STARD13: variants seen among roughly 807,000 people sequenced by gnomAD.
STARD13 encodes StAR related lipid transfer domain containing 13.
Under a neutral mutation model 106.4 loss-of-function variants are expected in STARD13, and 62 were observed. That is an observed-to-expected ratio of 0.58 (90% CI 0.48 to 0.72). The LOEUF (loss-of-function observed/expected upper bound fraction) is 0.72. STARD13 is among the 30% of genes least tolerant of loss of function. The probability of loss-of-function intolerance (pLI) is 0.00; values close to 1 mark genes in which losing one functional copy is unlikely to be tolerated. For missense variants in STARD13, 1,387 were observed against 1,424.0 expected, an observed-to-expected ratio of 0.97 and a Z score of 0.42; for synonymous variants, 565 against 553.0, an observed-to-expected ratio of 1.02 and a Z score of -0.31.
chr13:33,476,851 G>A, the STARD13 span, among the ~76,000 whole-genome samples: 29 of 152,200 alleles, frequency 1.9e-4, no homozygotes, highest in African/African-American at 6.5e-4. Flanking sequence ...AAAAGACACT[G>A]ACTCCTGCTA....
chr13:33,210,298 C>T (rs910703111), intron 1 of STARD13, among the ~76,000 whole-genome samples: 1 of 152,172 alleles, frequency 6.6e-6, no homozygotes, highest in Non-Finnish European at 1.5e-5. Context: ...AAATGAAGAA[C>T]ACAGTATTTC....
At chr13:33,165,249 G>T in intron 3 of STARD13, 88 bp downstream of exon 3, 1 of 990,018 alleles carries the variant, frequency 1.0e-6, no homozygotes, top group Non-Finnish European at 1.6e-6. Context: ...GTGAATACTT[G>T]CCGAATAGCT....
chr13:33,630,082 G>T, the STARD13 span, among the ~76,000 whole-genome samples: 1 of 152,266 alleles, frequency 6.6e-6, no homozygotes, highest in East Asian at 1.9e-4. Flanking sequence ...ATTTACAAAA[G>T]TCTTCAAGCT....
At chr13:33,340,625 C>A (rs2077949273) in intron 1 of STARD13, among the ~76,000 whole-genome samples, 1 of 152,070 alleles carries the variant, frequency 6.6e-6, no homozygotes, top group African/African-American at 2.4e-5. Context: ...CACAATATGC[C>A]ATGATGCACT....
chr13:33,415,839 A>G, the STARD13 span, among the ~76,000 whole-genome samples: 1 of 152,262 alleles, frequency 6.6e-6, no homozygotes, highest in African/African-American at 2.4e-5. Context: ...TGATTTAAAA[A>G]ATTCTTACTA....
At chr13:33,477,670 TTCATTC>T in the STARD13 span, among the ~76,000 whole-genome samples, 1 of 152,164 alleles carries the variant, frequency 6.6e-6, no homozygotes, top group Non-Finnish European at 1.5e-5. Flanking sequence ...GTGTCACATT[TTCATTC>T]TTCATCCCAT....
At chr13:33,403,285 G>A in the STARD13 span, among the ~76,000 whole-genome samples, 2 of 152,230 alleles carry the variant, frequency 1.3e-5, no homozygotes, top group African/African-American at 2.4e-5. Context: ...TCAGTGGCTT[G>A]CTTCTTTGTG....
chr13:33,670,030 G>C, the STARD13 span, among the ~76,000 whole-genome samples: 17 of 152,150 alleles, frequency 1.1e-4, no homozygotes, highest in African/African-American at 3.9e-4. Flanking sequence ...TAAATAAATA[G>C]AACTTTTGGA....
At chr13:33,378,715 A>C in the STARD13 span, among the ~76,000 whole-genome samples, 1 of 151,076 alleles carries the variant, frequency 6.6e-6, no homozygotes, top group Admixed American at 6.6e-5. Flanking sequence ...GCTTGAACCC[A>C]GGAGGCAGAG....
chr13:33,207,315 A>T (rs565792554), intron 1 of STARD13, among the ~76,000 whole-genome samples: 110 of 152,354 alleles, frequency 7.2e-4, no homozygotes, highest in Non-Finnish European at 1.3e-3. Context: ...CTCACTCAAT[A>T]GAACCCTAGA....
intron 1 of STARD13, among the ~76,000 whole-genome samples, chr13:33,237,434 A>G (rs1316241986): frequency 1.3e-5 from 2 of 152,226 alleles, no homozygotes; most frequent in African/African-American, 2.4e-5. Flanking sequence ...TCAAGAATGT[A>G]AACGAGCCTC....
At chr13:33,416,715 G>A in the STARD13 span, among the ~76,000 whole-genome samples, 8 of 152,270 alleles carry the variant, frequency 5.3e-5, no homozygotes, top group Non-Finnish European at 8.8e-5. Context: ...AGACCTAAAT[G>A]TAAATGCTAA....
chr13:33,525,865 C>T, the STARD13 span, among the ~76,000 whole-genome samples: 1 of 152,146 alleles, frequency 6.6e-6, no homozygotes, highest in Non-Finnish European at 1.5e-5. Flanking sequence ...CAAATACTAG[C>T]TACCTAACAG....
At chr13:33,645,667 A>G in the STARD13 span, among the ~76,000 whole-genome samples, 5 of 152,296 alleles carry the variant, frequency 3.3e-5, no homozygotes, top group South Asian at 1.0e-3. Context: ...TAAACAAAAA[A>G]TGATTGTTTA....
At chr13:33,337,801 G>A (rs567455133) in intron 1 of STARD13, among the ~76,000 whole-genome samples, 130 of 152,332 alleles carry the variant, frequency 8.5e-4, no homozygotes, top group Non-Finnish European at 1.7e-3. Flanking sequence ...CTTCCCCTGA[G>A]TGCAGGACCA....
chr13:33,644,953 G>A, the STARD13 span, among the ~76,000 whole-genome samples: 2 of 152,086 alleles, frequency 1.3e-5, no homozygotes, highest in Admixed American at 6.6e-5. Context: ...TAAAACACAT[G>A]GAAATTTTCT....
chr13:33,557,943 G>A, the STARD13 span, among the ~76,000 whole-genome samples: 5 of 152,236 alleles, frequency 3.3e-5, no homozygotes, highest in Non-Finnish European at 5.9e-5. Flanking sequence ...TCTGTGCATC[G>A]GAACATTCTC....
At chr13:33,183,408 CA>C (rs1885435840) in intron 1 of STARD13, among the ~76,000 whole-genome samples, 1 of 152,204 alleles carries the variant, frequency 6.6e-6, no homozygotes, top group Admixed American at 6.5e-5. Flanking sequence ...TGCTGCTGGT[CA>C]AAGATCTTTG....
At chr13:33,115,980 G>T (rs1875310409) in intron 8 of STARD13, among the ~76,000 whole-genome samples, 1 of 152,218 alleles carries the variant, frequency 6.6e-6, no homozygotes, top group South Asian at 2.1e-4. Context: ...TTAAATGACT[G>T]TTCAAATGAC....
Sources: allele counts gnomAD v4.1 joint callset (sites outside exome capture counted in the v4.1 genomes callset), GRCh38; gene constraint gnomAD v4.1.1; transcripts MANE v1.5; gene names NCBI Gene and HGNC (gene_info 2026-07-23, HGNC 2026-07-21).